Variants in RAB20 observed in about 807,000 individuals in gnomAD.
RAB20 encodes the protein ras-related protein Rab-20.
In RAB20, 2 loss-of-function variants were observed where a neutral mutation model predicts 3.7. The ratio of observed to expected loss-of-function variants is 0.54; its 90% CI spans 0.22 to 1.69. RAB20 has a LOEUF of 1.69. Ranked by LOEUF, RAB20 falls within the 40% of genes most tolerant of loss-of-function variation. The pLI, the probability that RAB20 is intolerant of heterozygous loss-of-function variation, is 0.19. For missense variants in RAB20, 276 were observed against 311.9 expected (o/e 0.88, Z 0.87); for synonymous variants, 126 against 130.8 (o/e 0.96, Z 0.25).
At position 110,545,469 on chromosome 13, in the gene RAB20, A is replaced by G. The variant is rs1042210052; in HGVS notation, c.172+15879T>C. 7.9e-5 allele frequency among the ~76,000 whole-genome samples: 12 copies of G among 152,324 alleles called. No homozygotes were observed. In the South Asian group the frequency reaches 1.2e-3, roughly 16 times the overall value. Reference sequence around the variant, plus strand: ...TCTTTGTCTGTGGTCGGTCTCCCCAACTGGACTGCGTATTCTGTCTACTGC... The same window carrying G: ...TCTTTGTCTGTGGTCGGTCTCCCCAGCTGGACTGCGTATTCTGTCTACTGC... On this transcript the variant is annotated intron_variant, in intron 1 of 1. Coordinates refer to ENST00000267328, the MANE Select transcript of RAB20 (RefSeq NM_017817.3).
chr13:110,546,648 C>T (rs1360346930), intron 1 of RAB20, among the ~76,000 whole-genome samples: 4 of 151,784 alleles, frequency 2.6e-5, no homozygotes, highest in African/African-American at 9.7e-5. Context: ...CACCCAGGCT[C>T]ACAAATCTTA....
chr13:110,523,310 G>A lies in RAB20; in HGVS notation c.*355C>T, dbSNP rs919508067. 2 of 480,744 alleles carry A rather than the reference G, an allele frequency of 4.2e-6. No homozygotes were observed. The highest frequency in any genetic ancestry group is 5.0e-5 in the South Asian group (1 of 20,008). The allele number at this position is 480,744 out of a possible 1,614,324, so 29.8% of individuals were successfully genotyped here. The stretch of plus-strand genomic sequence containing the variant: ...ACCCAGGGTGCTGAAACGGTCAGAG[G>A]TGCAGGTGCAGACGCAGGCTTCTGC... On this transcript the variant is annotated 3_prime_UTR_variant, in exon 2 of 2. Coordinates refer to ENST00000267328, the MANE Select transcript of RAB20 (RefSeq NM_017817.3).
intron 1 of RAB20, among the ~76,000 whole-genome samples, chr13:110,550,602 T>C (rs1884937001): frequency 6.6e-6 from 1 of 151,850 alleles, no homozygotes; most frequent in Admixed American, 6.6e-5. Flanking sequence ...CTCACAGGAG[T>C]TTCCTGTGTC....
At chr13:110,552,204 C>T (rs1051182129) in intron 1 of RAB20, among the ~76,000 whole-genome samples, 3 of 151,494 alleles carry the variant, frequency 2.0e-5, no homozygotes, top group Non-Finnish European at 4.4e-5. Context: ...CATGGTGAAA[C>T]CCTGTCTCTA....
At chr13:110,557,953 A>G (rs1885067473) in intron 1 of RAB20, among the ~76,000 whole-genome samples, 1 of 152,282 alleles carries the variant, frequency 6.6e-6, no homozygotes, top group South Asian at 2.1e-4. Context: ...AGCAACGATC[A>G]GATGTGAAGC....
chr13:110,535,672 C>T (rs554544150), intron 1 of RAB20, among the ~76,000 whole-genome samples: 13 of 152,344 alleles, frequency 8.5e-5, no homozygotes, highest in African/African-American at 2.9e-4. Context: ...CACAGGCAGC[C>T]GTGAAGCACC....
chr13:110,531,923 G>T (rs1197739563), intron 1 of RAB20, among the ~76,000 whole-genome samples: 2 of 152,212 alleles, frequency 1.3e-5, no homozygotes, highest in African/African-American at 4.8e-5. Flanking sequence ...CAGTAATCCT[G>T]ATTCACTGTT....
chr13:110,561,315 A>T, intron 1 of RAB20, 33 bp downstream of exon 1: 2 of 1,550,834 alleles, frequency 1.3e-6, no homozygotes, highest in Non-Finnish European at 1.7e-6. Context: ...GCGGAGCCCC[A>T]GGGCGGTGTG....
At chr13:110,546,534 T>C (rs965092879) in intron 1 of RAB20, among the ~76,000 whole-genome samples, 8 of 152,114 alleles carry the variant, frequency 5.3e-5, no homozygotes, top group Non-Finnish European at 1.2e-4. Context: ...CATTTCTAAG[T>C]AGAAATGCCT....
At chr13:110,541,958 A>G (rs375533498) in intron 1 of RAB20, among the ~76,000 whole-genome samples, 1 of 152,186 alleles carries the variant, frequency 6.6e-6, no homozygotes, top group South Asian at 2.1e-4. Flanking sequence ...AGATGCTCAC[A>G]CACGGAGACA....
At position 110,523,233 on chromosome 13, in the gene RAB20, G is replaced by A. The variant is rs1884360564; in HGVS notation, c.*432C>T. 2 of 411,002 alleles carry A rather than the reference G, an allele frequency of 4.9e-6. No homozygotes were observed. The highest frequency in any genetic ancestry group is 2.3e-4 in the South Asian group (2 of 8,842). The allele number at this position is 411,002 out of a possible 1,614,324, so 25.5% of individuals were successfully genotyped here. A position where few individuals can be genotyped will look rare whatever the true frequency, so the allele number is the denominator to read the frequency against. On this transcript the variant is annotated 3_prime_UTR_variant, in exon 2 of 2. Coordinates refer to ENST00000267328, the MANE Select transcript of RAB20 (RefSeq NM_017817.3). ...GGGAGGACCAAAGACAACTCACAGT[G>A]AAGAGAAACGCTTGAGAACAAGAAA...
chr13:110,525,027 T>C (rs973651462), intron 1 of RAB20, among the ~76,000 whole-genome samples: 2 of 152,104 alleles, frequency 1.3e-5, no homozygotes, highest in Non-Finnish European at 2.9e-5. Context: ...CGTCAACACA[T>C]TGGCTACTGA....
intron 1 of RAB20, among the ~76,000 whole-genome samples, chr13:110,530,725 T>C (rs1459906331): frequency 1.7e-5 from 2 of 117,226 alleles, no homozygotes; most frequent in East Asian, 2.9e-4. Context: ...CACAGGGCCC[T>C]AGGGAAGTAG....
At position 110,523,455 on chromosome 13, in the gene RAB20, C is replaced by A; in HGVS notation, c.*210G>T. On this transcript the variant is annotated 3_prime_UTR_variant, in exon 2 of 2. Transcript: ENST00000267328. ...TGGGCTTTGCAGAGGATTCCTGTTT[C>A]CCACCTCCCCACCCCTCTGACAGAG... The A allele has an allele frequency of 1.0e-6, 1 of 980,992 alleles. No homozygotes were observed. The highest frequency in any genetic ancestry group is 1.5e-6 in the Non-Finnish European group (1 of 688,618). 60.8% of individuals were successfully genotyped at this position (980,992 alleles called of 1,614,324 possible).
chr13:110,533,247 A>C (rs1200554323), intron 1 of RAB20, among the ~76,000 whole-genome samples: 2 of 152,232 alleles, frequency 1.3e-5, no homozygotes, highest in Non-Finnish European at 2.9e-5. Flanking sequence ...CACAAATACG[A>C]GCCAAAAGGT....
At chr13:110,534,862 C>T (rs1213879590) in intron 1 of RAB20, among the ~76,000 whole-genome samples, 1 of 152,226 alleles carries the variant, frequency 6.6e-6, no homozygotes, top group Non-Finnish European at 1.5e-5. Flanking sequence ...GAGACAGGGT[C>T]TCGCTCTGTC....
chr13:110,547,640 G>T (rs1884877248), intron 1 of RAB20, among the ~76,000 whole-genome samples: 1 of 152,176 alleles, frequency 6.6e-6, no homozygotes, highest in Admixed American at 6.5e-5. Flanking sequence ...GGTCTGCCCA[G>T]ATCAGATCCC....
At chr13:110,536,772 T>C (rs1884649134) in intron 1 of RAB20, among the ~76,000 whole-genome samples, 1 of 102,724 alleles carries the variant, frequency 9.7e-6, no homozygotes, top group Non-Finnish European at 2.2e-5. Context: ...GTACTTTTTT[T>C]TTTAATGGGA....
intron 1 of RAB20, among the ~76,000 whole-genome samples, chr13:110,554,741 G>A (rs1258445814): frequency 6.6e-6 from 1 of 151,878 alleles, no homozygotes; most frequent in Non-Finnish European, 1.5e-5. Context: ...GCCTGCATGA[G>A]CGAAGCAGCA....
Sources: gnomAD v4.1 joint callset for allele counts (sites outside exome capture counted in the v4.1 genomes callset) on GRCh38, gnomAD v4.1.1 for gene constraint, MANE v1.5 for transcripts, NCBI Gene and HGNC (gene_info 2026-07-23, HGNC 2026-07-21) for gene names.